The following GOLGA2 variants were observed in gnomAD, a reference collection of about 807,000 sequenced individuals.
GOLGA2 encodes golgin subfamily A member 2.
A neutral mutation model predicts 148.8 loss-of-function variants in GOLGA2; 49 were observed. The observed-to-expected ratio is 0.33, with a 90% CI of 0.26 to 0.42. The LOEUF is 0.42. Ranked by LOEUF, GOLGA2 falls within the 10% of genes least tolerant of loss-of-function variation. GOLGA2 has a pLI of 1.00. For missense variants in GOLGA2, 1,178 were observed against 1,304.6 expected (o/e 0.90, Z 1.49); for synonymous variants, 501 against 511.8 (o/e 0.98, Z 0.28).
rs886237273 is a variant in GOLGA2 at position 128,258,351 on chromosome 9, A to C, written c.2289+104T>G. 1.7e-6 allele frequency: 2 copies of C among 1,203,742 alleles called. No individual in the cohort carries two copies. The highest frequency in any genetic ancestry group is 1.8e-5 in the Admixed American group (1 of 55,558). 74.6% of individuals were successfully genotyped at this position (1,203,742 alleles called of 1,614,324 possible). The stretch of plus-strand genomic sequence containing the variant: ...ACCACTGGCTCCCAGGAAAGGGGTG[A>C]GGGTCCGAAGAAATCAGAAGGCCGG... On this transcript the variant is annotated intron_variant, in intron 22 of 26. Transcript: ENST00000611957. The surrounding 1 kb of genome is among the most constrained non-coding windows in gnomAD (Gnocchi z 6.6).
intron 3 of GOLGA2, among the ~76,000 whole-genome samples, chr9:128,272,249 C>T (rs1226380383): frequency 6.6e-6 from 1 of 151,684 alleles, no homozygotes; most frequent in Non-Finnish European, 1.5e-5. Context: ...TTTGGGAGGC[C>T]AAGGTGGGTG....
chr9:128,263,396 G>A (rs1180737076), intron 12 of GOLGA2, among the ~76,000 whole-genome samples: 1 of 151,992 alleles, frequency 6.6e-6, no homozygotes, highest in East Asian at 1.9e-4. Flanking sequence ...GACTATAGGC[G>A]TGCACCACCA....
Position 128,266,104 on chromosome 9 carries a change from G to A in GOLGA2, c.682-84C>T. On this transcript the variant is annotated intron_variant, in intron 9 of 26. Transcript: ENST00000611957. This position sits in a 1 kb window ranked among gnomAD's most constrained non-coding sequence, Gnocchi z 4.2. ...GACATGCCCCCAGAATGCCACCAAT[G>A]TCCCAGGACAGGCCCACCCATGGGA... 6 of 1,418,212 alleles carry A rather than the reference G, an allele frequency of 4.2e-6. No homozygotes were observed. Among genetic ancestry groups the A allele is most frequent in the Admixed American group, 3.3e-5 (2 of 59,794 alleles). 87.9% of individuals were successfully genotyped at this position (1,418,212 alleles called of 1,614,324 possible). A position where few individuals can be genotyped will look rare whatever the true frequency, so the allele number is the denominator to read the frequency against.
Position 128,259,016 on chromosome 9 carries a change from G to C in GOLGA2, c.2164C>G (p.Pro722Ala), listed in dbSNP as rs576558793. The C allele has an allele frequency of 6.3e-7, 1 of 1,598,856 alleles. No individual in the cohort carries two copies. The highest frequency in any genetic ancestry group is 1.3e-5 in the African/African-American group (1 of 74,722). ...GAGCAGGTTCCCGTACCTTCCCCAGGGTGAGCCATGAGGCTCAACTGGGCC... is the reference window on the plus strand; with the variant it reads ...GAGCAGGTTCCCGTACCTTCCCCAGCGTGAGCCATGAGGCTCAACTGGGCC... ...LRAQLSLMAH[P>A]GEGDGLDREE... The change falls in exon 21 of 27, where the codon CCT (proline) becomes GCT (alanine). Residue 722 changes from proline to alanine, a missense_variant. Around this residue, in one of 5 missense-constraint regions of GOLGA2, gnomAD observed 529 missense variants for 521.8 expected, o/e 1.01. Transcript: ENST00000611957.
Position 128,265,771 on chromosome 9 carries a change from G to A in GOLGA2, c.826+17C>T, listed in dbSNP as rs2131364131. On this transcript the variant is annotated intron_variant, in intron 11 of 26. Transcript: ENST00000611957. ...AAAGTGCCAGGTTGAAGGATGATGG[G>A]GTGCCCAGATTCCCACCTTCTTTCT... 6.2e-7 allele frequency: 1 copy of A among 1,611,916 alleles called. No individual in the cohort carries two copies. Among genetic ancestry groups the A allele is most frequent in the East Asian group, 2.2e-5 (1 of 44,866 alleles).
rs1391704584 is a variant in GOLGA2 at position 128,260,610 on chromosome 9, G to A, written c.1613C>T (p.Ala538Val). The A allele has an allele frequency of 6.2e-7, 1 of 1,611,216 alleles. No individual in the cohort carries two copies. Among genetic ancestry groups the A allele is most frequent in the Non-Finnish European group, 8.5e-7 (1 of 1,179,964 alleles). ...CTCCGCCTGCTCCCCCCAGAGCTCG[G>A]CCGCCCGCTCCAGCTCCAGCAGCCT... ...EERLLELERA[A>V]ELWGEQAEAR... is the part of the protein sequence containing the mutation. The change falls in exon 18 of 27, where the codon GCC (alanine) becomes GTC (valine). Residue 538 changes from alanine (A) to valine (V), a missense_variant. Coordinates refer to ENST00000611957, the MANE Select transcript of GOLGA2 (RefSeq NM_001366244.2). The surrounding 1 kb of genome is among the most constrained non-coding windows in gnomAD (Gnocchi z 4.8).
chr9:128,275,554 G>C, intron 1 of GOLGA2: 3 of 1,225,428 alleles, frequency 2.4e-6, no homozygotes, highest in Non-Finnish European at 3.2e-6. Flanking sequence ...AGTCACTGGC[G>C]AGGGCAGGGG....
chr9:128,264,307 T>G (rs1359914553), intron 12 of GOLGA2, among the ~76,000 whole-genome samples: 1 of 150,746 alleles, frequency 6.6e-6, no homozygotes. Context: ...CCATCTTGGC[T>G]CACTGCAACC....
At chr9:128,269,108 C>T (rs1830777500) in intron 3 of GOLGA2, among the ~76,000 whole-genome samples, 1 of 151,914 alleles carries the variant, frequency 6.6e-6, no homozygotes, top group South Asian at 2.1e-4. Flanking sequence ...ATTATAGGTG[C>T]ACACTACCAT....
Position 128,257,768 on chromosome 9 carries a change from C to T in GOLGA2, c.2611+22G>A, listed in dbSNP as rs771200081. 5.0e-6 allele frequency: 8 copies of T among 1,610,984 alleles called. No individual in the cohort carries two copies. The highest frequency in any genetic ancestry group is 2.2e-5 in the East Asian group (1 of 44,848). ...CCGACCGCTGTGCAGCTCCTCCTGCCGTGCCCTGGCCTCCCACTCACCAAT... is the reference window on the plus strand; with the variant it reads ...CCGACCGCTGTGCAGCTCCTCCTGCTGTGCCCTGGCCTCCCACTCACCAAT... On this transcript the variant is annotated intron_variant, in intron 24 of 26. Coordinates refer to ENST00000611957, the MANE Select transcript of GOLGA2 (RefSeq NM_001366244.2). This position sits in a 1 kb window ranked among gnomAD's most constrained non-coding sequence, Gnocchi z 8.0.
Position 128,260,943 on chromosome 9 carries a change from C to A in GOLGA2, c.1421-141G>T, listed in dbSNP as rs1830233925. On this transcript the variant is annotated intron_variant, in intron 17 of 26. Coordinates refer to ENST00000611957, the MANE Select transcript of GOLGA2 (RefSeq NM_001366244.2). This position sits in a 1 kb window ranked among gnomAD's most constrained non-coding sequence, Gnocchi z 4.8. ...CCGGATGTTAGCCAATCTTCCAAAC[C>A]ACTTTCCGATAGCGACAACTGTGGG... 2 of 699,998 alleles carry A rather than the reference C, an allele frequency of 2.9e-6. No homozygotes were observed. The highest frequency in any genetic ancestry group is 3.7e-5 in the South Asian group (2 of 54,090). The allele number at this position is 699,998 out of a possible 1,614,324, so 43.4% of individuals were successfully genotyped here. A position where few individuals can be genotyped will look rare whatever the true frequency, so the allele number is the denominator to read the frequency against.
chr9:128,267,267 T>C lies in GOLGA2; in HGVS notation c.569A>G (p.Tyr190Cys). Residue 190 changes from tyrosine (Y) to cysteine (C), a missense_variant, in exon 8 of 27, where the codon TAC becomes TGC. Physicochemically the swap from Tyr to Cys is radical, Grantham distance 194. Coordinates refer to ENST00000611957, the MANE Select transcript of GOLGA2 (RefSeq NM_001366244.2). ...SANLKDLESR[Y>C]QQLAVALDSS... ...GTCCAGGGCTACCGCTAGCTGTTGG[T>C]ACCGGCTCTGAGGCGCATGCAGAGA... The C allele has an allele frequency of 6.2e-7, 1 of 1,607,816 alleles. No individual in the cohort carries two copies. Among genetic ancestry groups the C allele is most frequent in the Admixed American group, 1.7e-5 (1 of 60,008 alleles).
rs1830080740 is a variant in GOLGA2 at position 128,258,980 on chromosome 9, CCTCTT to C, written c.2173+22_2173+26del. 3 of 1,431,550 alleles carry C rather than the reference CCTCTT, an allele frequency of 2.1e-6. No individual in the cohort carries two copies. The East Asian group carries it at 6.8e-5, about 32-fold the overall frequency. The allele number at this position is 1,431,550 out of a possible 1,614,324, so 88.7% of individuals were successfully genotyped here. On this transcript the variant is annotated intron_variant, in intron 21 of 26. Transcript: ENST00000611957. The surrounding 1 kb of genome is among the most constrained non-coding windows in gnomAD (Gnocchi z 6.6). ...TCCCCCCTTCTTCCTGGGGCTCTCT[CCTCTT>C]CCTGTGAGCAGGTTCCCGTACCTTC...
chr9:128,275,729 T>C (rs1000666890), intron 1 of GOLGA2, among the ~76,000 whole-genome samples, 164 bp downstream of exon 1: 1 of 150,932 alleles, frequency 6.6e-6, no homozygotes, highest in African/African-American at 2.4e-5. Context: ...GCTGGGCGGC[T>C]GAGGGGGCGG....
At chr9:128,265,330 A>G (rs1037878575) in intron 12 of GOLGA2, among the ~76,000 whole-genome samples, 1 of 152,234 alleles carries the variant, frequency 6.6e-6, no homozygotes, top group Admixed American at 6.5e-5. Flanking sequence ...CCAAGGCCAC[A>G]GCCAGGTAAC....
At position 128,259,406 on chromosome 9, in the gene GOLGA2, T is replaced by G; in HGVS notation, c.1873-15A>C. ...TTCAGCTCCACCTGTAGGAAGACCC[T>G]GGGCGTGAGGGCAGGTGGTGGCCTG... On this transcript the variant is annotated splice_polypyrimidine_tract_variant and intron_variant, in intron 19 of 26. Transcript: ENST00000611957. 1 of 1,526,712 alleles carries G rather than the reference T, an allele frequency of 6.6e-7. No individual in the cohort carries two copies. The highest frequency in any genetic ancestry group is 8.9e-7 in the Non-Finnish European group (1 of 1,122,364). 94.6% of individuals were successfully genotyped at this position (1,526,712 alleles called of 1,614,324 possible). A position where few individuals can be genotyped will look rare whatever the true frequency, so the allele number is the denominator to read the frequency against.
At position 128,261,798 on chromosome 9, in the gene GOLGA2, A is replaced by G. The variant is rs766738926; in HGVS notation, c.1135-41T>C. On this transcript the variant is annotated intron_variant, in intron 14 of 26. Coordinates refer to ENST00000611957, the MANE Select transcript of GOLGA2 (RefSeq NM_001366244.2). This position sits in a 1 kb window ranked among gnomAD's most constrained non-coding sequence, Gnocchi z 5.7. ...CGAGAAGTTTAGATCTGGGGAGCCC[A>G]GGCCGTTCCAAATAGTGCCCCTTAA... The G allele has an allele frequency of 1.5e-6, 2 of 1,373,364 alleles. No homozygotes were observed. The highest frequency in any genetic ancestry group is 2.3e-5 in the East Asian group (1 of 43,778). 85.1% of individuals were successfully genotyped at this position (1,373,364 alleles called of 1,614,324 possible).
intron 2 of GOLGA2, 64 bp from the exon 3 acceptor site, chr9:128,272,929 G>T: frequency 1.8e-6 from 1 of 547,320 alleles, no homozygotes; most frequent in Non-Finnish European, 3.0e-6. Flanking sequence ...CTTAGAGAGA[G>T]GCAAGAAAGT....
Position 128,259,259 on chromosome 9 carries a change from G to A in GOLGA2, c.2005C>T (p.Leu669=). 1 of 1,609,356 alleles carries A rather than the reference G, an allele frequency of 6.2e-7. No homozygotes were observed. Residue 669 remains leucine (L), a synonymous_variant, in exon 20 of 27, where the codon CTG becomes TTG. Transcript: ENST00000611957. ...EKEVLHNQLL[L]QTQLVDQLQQ... is the part of the protein sequence containing the mutation. ...AGCTGGTCCACGAGCTGGGTCTGCAGCAGTAGCTGATTATGCAGCACCTCC... is the reference window on the plus strand; with the variant it reads ...AGCTGGTCCACGAGCTGGGTCTGCAACAGTAGCTGATTATGCAGCACCTCC...
Sources: gnomAD v4.1 joint callset for allele counts (sites outside exome capture counted in the v4.1 genomes callset) on GRCh38, gnomAD v4.1.1 for gene constraint, gnomAD v4.1.1 regional missense constraint, Gnocchi (gnomAD v3.1) non-coding constraint, MANE v1.5 for transcripts, NCBI Gene and HGNC (gene_info 2026-07-23, HGNC 2026-07-21) for gene names.